Variants in ZDHHC21 observed in about 807,000 individuals in gnomAD.
ZDHHC21 encodes the protein palmitoyltransferase ZDHHC21.
A neutral mutation model predicts 34.6 loss-of-function variants in ZDHHC21; 15 were observed. The ratio of observed to expected loss-of-function variants is 0.43; its 90% CI spans 0.29 to 0.67. ZDHHC21 has a LOEUF of 0.67. Among genes scored for constraint, ZDHHC21 ranks in the 30% least tolerant of loss-of-function variants. The probability of loss-of-function intolerance (pLI) is 0.14; values close to 1 mark genes in which losing one functional copy is unlikely to be tolerated. For synonymous variants in ZDHHC21, 142 were observed against 101.8 expected (o/e 1.40, Z -2.38); for missense variants, 344 against 327.7 (o/e 1.05, Z -0.38).
intron 4 of ZDHHC21, among the ~76,000 whole-genome samples, 165 bp downstream of exon 4, chr9:14,674,022 G>A (rs373940708): frequency 2.0e-5 from 3 of 151,878 alleles, no homozygotes; most frequent in East Asian, 1.9e-4. Flanking sequence ...ATCTATAAAG[G>A]CCATTATTTC....
intron 8 of ZDHHC21, among the ~76,000 whole-genome samples, chr9:14,621,596 A>AT (rs1295205702): frequency 1.3e-5 from 2 of 151,918 alleles, no homozygotes; most frequent in Admixed American, 6.6e-5. Context: ...CAAATAGGCT[A>AT]TTTTTTTTCC....
chr9:14,606,833 A>C (rs1823028469), downstream of ZDHHC21, among the ~76,000 whole-genome samples: 1 of 152,104 alleles, frequency 6.6e-6, no homozygotes, highest in Non-Finnish European at 1.5e-5. Context: ...TAAACAAAGA[A>C]TACACAAGAG....
At chr9:14,619,288 G>T (rs796217379) in intron 9 of ZDHHC21, among the ~76,000 whole-genome samples, 190 bp from the exon 10 acceptor site, 4 of 152,266 alleles carry the variant, frequency 2.6e-5, no homozygotes, top group African/African-American at 9.6e-5. Context: ...TATTGTATCT[G>T]TGTCGTCAAT....
chr9:14,660,628 T>C (rs561614208), intron 6 of ZDHHC21, among the ~76,000 whole-genome samples: 1 of 152,152 alleles, frequency 6.6e-6, no homozygotes, highest in Non-Finnish European at 1.5e-5. Flanking sequence ...TCTACTCTCC[T>C]TTCTGATCCT....
chr9:14,589,567 C>T, the ZDHHC21 span: 1 of 151,984 alleles, frequency 6.6e-6, no homozygotes, highest in Non-Finnish European at 1.5e-5. Context: ...CATGAGATCT[C>T]CAAGACTGTT....
At chr9:14,626,780 T>C (rs977699132) in intron 8 of ZDHHC21, among the ~76,000 whole-genome samples, 1 of 152,002 alleles carries the variant, frequency 6.6e-6, no homozygotes, top group African/African-American at 2.4e-5. Context: ...TACCCAATTT[T>C]ACTATATGAC....
chr9:14,665,894 A>C (rs1270740967), intron 5 of ZDHHC21, among the ~76,000 whole-genome samples: 1 of 150,228 alleles, frequency 6.7e-6, no homozygotes, highest in East Asian at 2.0e-4. Context: ...CTGCAAAATC[A>C]TGCCAAAATG....
chr9:14,670,952 G>A (rs1047406063), intron 5 of ZDHHC21, among the ~76,000 whole-genome samples: 6 of 151,970 alleles, frequency 3.9e-5, no homozygotes, highest in Non-Finnish European at 8.8e-5. Context: ...GGATCTTGGC[G>A]ACTGATACAT....
At chr9:14,593,009 G>C in the ZDHHC21 span, among the ~76,000 whole-genome samples, 3 of 152,096 alleles carry the variant, frequency 2.0e-5, no homozygotes, top group African/African-American at 7.2e-5. Flanking sequence ...TACAGCTAAA[G>C]TAGTACAGGG....
chr9:14,638,347 G>C (rs1044737570), intron 8 of ZDHHC21, among the ~76,000 whole-genome samples: 1 of 151,990 alleles, frequency 6.6e-6, no homozygotes, highest in Non-Finnish European at 1.5e-5. Flanking sequence ...GCATAAGAAT[G>C]AAGACGGAAA....
At chr9:14,664,509 A>G (rs1834034323) in intron 5 of ZDHHC21, among the ~76,000 whole-genome samples, 1 of 151,796 alleles carries the variant, frequency 6.6e-6, no homozygotes, top group Admixed American at 6.6e-5. Flanking sequence ...AGCCCACCAC[A>G]GCTCAAGGAG....
At chr9:14,641,748 G>C (rs887190406) in intron 7 of ZDHHC21, among the ~76,000 whole-genome samples, 1 of 152,094 alleles carries the variant, frequency 6.6e-6, no homozygotes, top group African/African-American at 2.4e-5. Flanking sequence ...ACTTCCATAA[G>C]AAAACTTCAG....
intron 8 of ZDHHC21, among the ~76,000 whole-genome samples, chr9:14,622,378 T>C (rs1008074268): frequency 6.0e-5 from 9 of 150,894 alleles, no homozygotes; most frequent in Admixed American, 6.6e-5. Context: ...ATTACCACTG[T>C]ATCCTAAGTA....
chr9:14,641,093 T>C (rs998703518), intron 7 of ZDHHC21, among the ~76,000 whole-genome samples: 1 of 152,106 alleles, frequency 6.6e-6, no homozygotes, highest in African/African-American at 2.4e-5. Context: ...AGGATTAAAG[T>C]ATCCTAACAG....
chr9:14,639,061 G>A (rs1181642314), intron 8 of ZDHHC21, among the ~76,000 whole-genome samples: 2 of 151,972 alleles, frequency 1.3e-5, no homozygotes, highest in African/African-American at 2.4e-5. Flanking sequence ...GCACTTGCAC[G>A]TTTATCACAG....
chr9:14,601,547 G>A, the ZDHHC21 span, among the ~76,000 whole-genome samples: 2 of 152,164 alleles, frequency 1.3e-5, no homozygotes, highest in South Asian at 4.1e-4. Context: ...CACTGCTGGT[G>A]GGAGTGTAAA....
At chr9:14,621,561 A>G (rs1039643961) in intron 8 of ZDHHC21, among the ~76,000 whole-genome samples, 19 of 152,126 alleles carry the variant, frequency 1.2e-4, no homozygotes, top group Admixed American at 3.3e-4. Flanking sequence ...CCATTACTTT[A>G]TGAGTAGGAT....
rs1824710592 is a variant in ZDHHC21, at chr9:14,618,745, C to G, written c.*221G>C. The G allele has an allele frequency of 2.5e-6, 1 of 397,408 alleles. No individual in the cohort carries two copies. Among genetic ancestry groups the G allele is most frequent in the Non-Finnish European group, 4.3e-6 (1 of 233,430 alleles). The allele number at this position is 397,408 out of a possible 1,614,324, so 24.6% of individuals were successfully genotyped here. On this transcript the variant is annotated 3_prime_UTR_variant, in exon 10 of 10. Coordinates refer to ENST00000380916, the MANE Select transcript of ZDHHC21 (RefSeq NM_178566.6). Reference sequence around the variant, plus strand: ...CATTTCAAGAAATCCCTGTGGAAAGCTAATTTGAAAGTAAACATGCTTTAA... The same window carrying G: ...CATTTCAAGAAATCCCTGTGGAAAGGTAATTTGAAAGTAAACATGCTTTAA...
chr9:14,651,112 T>C (rs1168735963), intron 7 of ZDHHC21, among the ~76,000 whole-genome samples: 1 of 151,802 alleles, frequency 6.6e-6, no homozygotes, highest in Admixed American at 6.6e-5. Flanking sequence ...TGTAGAGAAA[T>C]AGTAAACTTT....
Sources: allele counts gnomAD v4.1 joint callset (sites outside exome capture counted in the v4.1 genomes callset), GRCh38; gene constraint gnomAD v4.1.1; transcripts MANE v1.5; gene names NCBI Gene and HGNC (gene_info 2026-07-23, HGNC 2026-07-21).